The following C8orf34 variants were observed in gnomAD, a reference collection of about 807,000 sequenced individuals.
C8orf34 encodes the protein uncharacterized protein C8orf34.
Under a neutral mutation model 68.3 loss-of-function variants are expected in C8orf34, and 65 were observed. The observed-to-expected ratio is 0.95, with a 90% confidence interval of 0.78 to 1.17. C8orf34 has a LOEUF of 1.17. Ranked by LOEUF, C8orf34 falls within the 50% of genes most tolerant of loss-of-function variation. C8orf34 has a pLI of 0.00. For missense variants in C8orf34, 664 were observed against 655.4 expected (o/e 1.01, Z -0.14); for synonymous variants, 244 against 241.2 (o/e 1.01, Z -0.11).
intron 7 of C8orf34, among the ~76,000 whole-genome samples, chr8:68,620,331 A>G (rs1047489921): frequency 6.6e-6 from 1 of 152,142 alleles, no homozygotes; most frequent in Non-Finnish European, 1.5e-5. Context: ...AGAGTCCAGG[A>G]AGAGGTTGGG....
chr8:68,655,221 C>T (rs532895666), intron 8 of C8orf34, among the ~76,000 whole-genome samples: 2 of 152,086 alleles, frequency 1.3e-5, no homozygotes, highest in Non-Finnish European at 2.9e-5. Flanking sequence ...AAAATCTAAA[C>T]TCTTACAATA....
chr8:68,417,462 C>T (rs1809726202), intron 1 of C8orf34, among the ~76,000 whole-genome samples: 1 of 152,058 alleles, frequency 6.6e-6, no homozygotes, highest in Non-Finnish European at 1.5e-5. Flanking sequence ...TATTATACTG[C>T]TGGTTTTCAC....
At chr8:68,764,366 C>T (rs1823109726) in intron 10 of C8orf34, among the ~76,000 whole-genome samples, 1 of 152,182 alleles carries the variant, frequency 6.6e-6, no homozygotes. Context: ...TCTGTTTGAC[C>T]TCTTGGCCCA....
intron 7 of C8orf34, among the ~76,000 whole-genome samples, chr8:68,637,820 C>A (rs888564395): frequency 5.9e-5 from 9 of 152,062 alleles, no homozygotes; most frequent in Non-Finnish European, 1.0e-4. Flanking sequence ...TCCCTGTGGT[C>A]TCATTTGATG....
At chr8:68,623,548 C>T (rs1428713250) in intron 7 of C8orf34, among the ~76,000 whole-genome samples, 2 of 152,168 alleles carry the variant, frequency 1.3e-5, no homozygotes, top group South Asian at 4.1e-4. Flanking sequence ...TAAGGTGTAA[C>T]ATTTGAAAGC....
At chr8:68,374,091 T>G (rs1467650754) in intron 1 of C8orf34, among the ~76,000 whole-genome samples, 4 of 152,162 alleles carry the variant, frequency 2.6e-5, no homozygotes, top group East Asian at 1.9e-4. Context: ...AATCTTTTAA[T>G]TTTTGTAGAG....
chr8:68,644,128 G>A (rs1471003723), intron 8 of C8orf34, among the ~76,000 whole-genome samples: 1 of 152,144 alleles, frequency 6.6e-6, no homozygotes, highest in Non-Finnish European at 1.5e-5. Flanking sequence ...AGTTTAACAG[G>A]AGAAAAGGTC....
chr8:68,419,595 T>C (rs1044437191), intron 1 of C8orf34, among the ~76,000 whole-genome samples: 139 of 151,376 alleles, frequency 9.2e-4, no homozygotes, highest in African/African-American at 3.2e-3. Flanking sequence ...CCAACAATGA[T>C]AGACTGGATT....
intron 11 of C8orf34, among the ~76,000 whole-genome samples, chr8:68,786,684 A>G (rs1823855703): frequency 6.6e-6 from 1 of 152,194 alleles, no homozygotes; most frequent in African/African-American, 2.4e-5. Flanking sequence ...AGTATGATAG[A>G]ACATGTTAGA....
intron 4 of C8orf34, among the ~76,000 whole-genome samples, chr8:68,480,530 A>C (rs1812815361): frequency 6.6e-6 from 1 of 152,192 alleles, no homozygotes; most frequent in African/African-American, 2.4e-5. Context: ...GAGGCCTCAG[A>C]AGAAGACAGG....
intron 8 of C8orf34, among the ~76,000 whole-genome samples, chr8:68,664,158 G>A (rs1037978225): frequency 6.6e-6 from 1 of 152,146 alleles, no homozygotes; most frequent in Non-Finnish European, 1.5e-5. Flanking sequence ...TCCTTGGTCA[G>A]GTCACAGAGC....
intron 7 of C8orf34, among the ~76,000 whole-genome samples, chr8:68,545,887 A>G (rs1163037328): frequency 6.6e-6 from 1 of 152,154 alleles, no homozygotes; most frequent in African/African-American, 2.4e-5. Context: ...ACAATGTAGT[A>G]TAGAGTTTAT....
At chr8:68,650,613 G>C (rs1819326994) in intron 8 of C8orf34, among the ~76,000 whole-genome samples, 2 of 151,588 alleles carry the variant, frequency 1.3e-5, no homozygotes, top group African/African-American at 4.9e-5. Flanking sequence ...CCAAGTAGCT[G>C]GGACTACAGG....
intron 10 of C8orf34, among the ~76,000 whole-genome samples, chr8:68,746,665 C>T (rs201251662): frequency 1.4e-5 from 2 of 148,064 alleles, no homozygotes; most frequent in Non-Finnish European, 3.0e-5. Flanking sequence ...ACACATACAC[C>T]CTCCCAAGAC....
At chr8:68,468,558 A>G in intron 3 of C8orf34, 134 bp from the exon 4 acceptor site, 2 of 819,534 alleles carry the variant, frequency 2.4e-6, no homozygotes, top group Non-Finnish European at 3.5e-6. Flanking sequence ...TTTTTCTCAC[A>G]AGCAAACCAT....
intron 7 of C8orf34, among the ~76,000 whole-genome samples, chr8:68,591,167 A>G (rs1243637234): frequency 6.6e-6 from 1 of 152,160 alleles, no homozygotes; most frequent in East Asian, 1.9e-4. Flanking sequence ...GAAAGGGTCT[A>G]AGTCATTCAG....
rs34106520 is a variant in C8orf34 at position 68,469,932 on chromosome 8, T to TTG, written c.736+1136_736+1137dup. Among the ~76,000 whole-genome samples the TTG allele has an allele frequency of 4.8e-3, 722 of 149,072 alleles. 3 individuals carry two copies. Among genetic ancestry groups the TTG allele is most frequent in the African/African-American group, 0.013 (521 of 40,724 alleles). ...ATTATACATATTTACATTTGGTATTTTGTGTGTGTGTGTGTGTGTGTGTGT... is the reference window on the plus strand; with the variant it reads ...ATTATACATATTTACATTTGGTATTTTGTGTGTGTGTGTGTGTGTGTGTGTGT... On this transcript the variant is annotated intron_variant, in intron 4 of 13. Coordinates refer to ENST00000518698, the MANE Select transcript of C8orf34 (RefSeq NM_052958.4).
chr8:68,756,422 T>G (rs1474462510), intron 10 of C8orf34, among the ~76,000 whole-genome samples: 1 of 152,194 alleles, frequency 6.6e-6, no homozygotes, highest in Non-Finnish European at 1.5e-5. Context: ...TTCATTCATT[T>G]TTCATCCAAC....
chr8:68,755,928 G>C (rs12114889), intron 10 of C8orf34, among the ~76,000 whole-genome samples: 1 of 151,892 alleles, frequency 6.6e-6, no homozygotes, highest in Non-Finnish European at 1.5e-5. Flanking sequence ...TTAGCCGGGC[G>C]TGATGGCGGG....
Sources: allele counts gnomAD v4.1 joint callset (sites outside exome capture counted in the v4.1 genomes callset), GRCh38; gene constraint gnomAD v4.1.1; transcripts MANE v1.5; gene names NCBI Gene and HGNC (gene_info 2026-07-23, HGNC 2026-07-21).